ERG: variants seen among roughly 807,000 people sequenced by gnomAD.
ERG encodes the protein transcriptional regulator ERG.
In ERG, 9 loss-of-function variants were observed where a neutral mutation model predicts 55.3. The observed-to-expected ratio is 0.16, with a 90% CI of 0.10 to 0.28. The LOEUF (loss-of-function observed/expected upper bound fraction) is 0.28, where lower values mean the gene tolerates loss of function less well. ERG is among the 10% of genes least tolerant of loss of function. The pLI is 1.00. For missense variants in ERG, 434 were observed against 631.6 expected, an observed-to-expected ratio of 0.69 and a Z score of 3.35; for synonymous variants, 223 against 237.3, an observed-to-expected ratio of 0.94 and a Z score of 0.55.
chr21:38,551,762 C>CA (rs1568906256), intron 2 of ERG, among the ~76,000 whole-genome samples: 1 of 151,840 alleles, frequency 6.6e-6, no homozygotes, highest in Non-Finnish European at 1.5e-5. Context: ...TAGCCAAGTG[C>CA]GTAGTCAATT....
chr21:38,582,160 A>C (rs2060033731), intron 1 of ERG, among the ~76,000 whole-genome samples: 1 of 152,046 alleles, frequency 6.6e-6, no homozygotes, highest in South Asian at 2.1e-4. Flanking sequence ...ATAAACTGTA[A>C]TCATAAGAGC....
chr21:38,390,566 T>C (rs1446337142), intron 9 of ERG, among the ~76,000 whole-genome samples: 1 of 151,960 alleles, frequency 6.6e-6, no homozygotes, highest in Non-Finnish European at 1.5e-5. Flanking sequence ...CACAGAGAGA[T>C]GATGATGAGA....
chr21:38,404,721 A>C (rs913012115), intron 3 of ERG, among the ~76,000 whole-genome samples: 1 of 152,176 alleles, frequency 6.6e-6, no homozygotes. Flanking sequence ...AACTAAGAGC[A>C]CTGATCTCAG....
intron 2 of ERG, among the ~76,000 whole-genome samples, chr21:38,557,949 T>C (rs1217817880): frequency 6.6e-6 from 1 of 152,218 alleles, no homozygotes; most frequent in Non-Finnish European, 1.5e-5. Flanking sequence ...AAATTACTTA[T>C]GATTTGGAAC....
intron 2 of ERG, among the ~76,000 whole-genome samples, chr21:38,544,436 G>T (rs949650673): frequency 6.6e-6 from 1 of 152,174 alleles, no homozygotes; most frequent in African/African-American, 2.4e-5. Context: ...CAGGATCACG[G>T]TGACTTGGAC....
At chr21:38,624,361 G>T (rs375815787) in intron 1 of ERG, among the ~76,000 whole-genome samples, 176 of 152,326 alleles carry the variant, frequency 1.2e-3, no homozygotes, top group African/African-American at 3.8e-3. Flanking sequence ...TTAAAACCGA[G>T]ATGACGGGGT....
chr21:38,598,672 C>A (rs1337784155), intron 1 of ERG, among the ~76,000 whole-genome samples: 1 of 152,170 alleles, frequency 6.6e-6, no homozygotes, highest in Non-Finnish European at 1.5e-5. Flanking sequence ...CAAGTCCCTG[C>A]CCCTCTGCCT....
At position 38,383,943 on chromosome 21, in the gene ERG, A is replaced by G; in HGVS notation, c.920-20T>C. The stretch of plus-strand genomic sequence containing the variant: ...CACTGCCTAATGAGGTCAGGAGAGG[A>G]AGGAAAACTCCAGTGAGCACAGGTT... On this transcript the variant is annotated intron_variant, in intron 9 of 9. Transcript: ENST00000288319. This position sits in a 1 kb window ranked among gnomAD's most constrained non-coding sequence, Gnocchi z 5.7. 1 of 1,599,442 alleles carries G rather than the reference A, an allele frequency of 6.3e-7. No individual in the cohort carries two copies. Among genetic ancestry groups the G allele is most frequent in the Non-Finnish European group, 8.5e-7 (1 of 1,172,304 alleles).
At position 38,575,643 on chromosome 21, in the gene ERG, C is replaced by T. The variant is rs1198302920; in HGVS notation, c.-41+19G>A. On this transcript the variant is annotated intron_variant, in intron 2 of 8. Transcript: ENST00000398897. ...ACAGAGGAAGGCAGAGCTGGCTTCC[C>T]AGCCAAGACGGGACTTACCTTGATA... 6 of 1,601,038 alleles carry T rather than the reference C, an allele frequency of 3.7e-6. No individual in the cohort carries two copies. In the Admixed American group the frequency reaches 1.0e-4, roughly 27 times the overall value.
chr21:38,585,500 C>T (rs1052250548), upstream of ERG, among the ~76,000 whole-genome samples: 7 of 139,970 alleles, frequency 5.0e-5, no homozygotes, highest in African/African-American at 1.8e-4. Flanking sequence ...ATGCCTGTAG[C>T]ACGGCTCCAA....
chr21:38,382,989 C>T lies in ERG; in HGVS notation c.*414G>A. The T allele has an allele frequency of 5.6e-6, 6 of 1,071,808 alleles. 1 individual carries two copies. The highest frequency in any genetic ancestry group is 6.8e-6 in the Non-Finnish European group (6 of 883,896). The allele number at this position is 1,071,808 out of a possible 1,614,324, so 66.4% of individuals were successfully genotyped here. ...ATACAGGTAGTTTTCCTTAAAATGG[C>T]ATTATAAACGGTATGTTAGGTCAAA... On this transcript the variant is annotated 3_prime_UTR_variant, in exon 10 of 10. Transcript: ENST00000288319.
intron 1 of ERG, among the ~76,000 whole-genome samples, chr21:38,482,403 CAG>C (rs1191265096): frequency 1.3e-5 from 2 of 152,176 alleles, no homozygotes; most frequent in Non-Finnish European, 2.9e-5. Context: ...GGAATCCTTG[CAG>C]ACTGTTGGTG....
intron 1 of ERG, among the ~76,000 whole-genome samples, chr21:38,640,136 C>T (rs140930041): frequency 9.2e-5 from 14 of 152,028 alleles, no homozygotes; most frequent in Admixed American, 7.2e-4. Flanking sequence ...CATTGAAAAT[C>T]AATGAAAAAT....
Position 38,383,377 on chromosome 21 carries a change from T to C in ERG, c.*26A>G. 2.7e-6 allele frequency: 4 copies of C among 1,477,124 alleles called. No individual in the cohort carries two copies. Among genetic ancestry groups the C allele is most frequent in the African/African-American group, 2.8e-5 (2 of 71,362 alleles). 91.5% of individuals were successfully genotyped at this position (1,477,124 alleles called of 1,614,324 possible). A position where few individuals can be genotyped will look rare whatever the true frequency, so the allele number is the denominator to read the frequency against. On this transcript the variant is annotated 3_prime_UTR_variant, in exon 10 of 10. Transcript: ENST00000288319. This position sits in a 1 kb window ranked among gnomAD's most constrained non-coding sequence, Gnocchi z 5.7. ...TGGCGATGGGCTGGTGAATGCACGCTGATGGGAAAAGCCTCCGCCAGGTCT... is the reference window on the plus strand; with the variant it reads ...TGGCGATGGGCTGGTGAATGCACGCCGATGGGAAAAGCCTCCGCCAGGTCT...
Position 38,609,233 on chromosome 21 carries a change from A to G in ERG, c.-149-24288T>C, listed in dbSNP as rs562838351. On this transcript the variant is annotated intron_variant, in intron 1 of 10. Transcript: ENST00000398910. ...AGAAAATTTGCTGAATGCACCACTT[A>G]TACAAAGATCTGAAAACACAACAAT... Among the ~76,000 whole-genome samples the G allele has an allele frequency of 3.9e-5, 6 of 152,316 alleles. No individual in the cohort carries two copies. The East Asian group carries it at 1.2e-3, about 29-fold the overall frequency.
rs1987371357 is a variant in ERG, at chr21:38,380,409, CA to C, written c.*2993del. On this transcript the variant is annotated 3_prime_UTR_variant, in exon 10 of 10. Coordinates refer to ENST00000288319, the MANE Select transcript of ERG (RefSeq NM_182918.4). ...GGACATAAGGGCATCAAACTAGGAA[CA>C]AAAACACAGTCTTGACTGTGATTTG... 1 of 1,062,584 alleles carries C rather than the reference CA, an allele frequency of 9.4e-7. No homozygotes were observed. The highest frequency in any genetic ancestry group is 5.4e-5 in the Admixed American group (1 of 18,656). The allele number at this position is 1,062,584 out of a possible 1,614,324, so 65.8% of individuals were successfully genotyped here.
chr21:38,383,615 T>G lies in ERG; in HGVS notation c.1228A>C (p.Lys410Gln). The G allele has an allele frequency of 6.2e-7, 1 of 1,613,452 alleles. No individual in the cohort carries two copies. The highest frequency in any genetic ancestry group is 8.5e-7 in the Non-Finnish European group (1 of 1,179,838). Residue 410 changes from lysine (K) to glutamine (Q), a missense_variant, in exon 10 of 10, where the codon AAG becomes CAG. This residue lies in a region of ERG where 107 missense variants were observed against 126.8 expected (regional missense o/e 0.84). Transcript: ENST00000288319. This position sits in a 1 kb window ranked among gnomAD's most constrained non-coding sequence, Gnocchi z 5.7. ...ATGTACGGGAGGTCTGAGGGGTACT[T>G]GTACAGAGATGACTCCGGGGGGTGG... is the stretch of plus-strand genomic sequence containing the variant. Reference protein sequence around the residue: ...QPHPPESSLYKYPSDLPYMGS... With the variant: ...QPHPPESSLYQYPSDLPYMGS...
intron 1 of ERG, among the ~76,000 whole-genome samples, chr21:38,632,337 T>A (rs58020981): frequency 0.013 from 1,928 of 152,194 alleles, 42 homozygotes; most frequent in African/African-American, 0.044. Flanking sequence ...TCACACCCAT[T>A]AGGATGAACA....
At chr21:38,565,482 C>A (rs1268545418) in intron 2 of ERG, among the ~76,000 whole-genome samples, 1 of 152,202 alleles carries the variant, frequency 6.6e-6, no homozygotes, top group Non-Finnish European at 1.5e-5. Context: ...ACCAGCATGC[C>A]TCCAACTCAC....
Sources: gnomAD v4.1 joint callset for allele counts (sites outside exome capture counted in the v4.1 genomes callset) on GRCh38, gnomAD v4.1.1 for gene constraint, gnomAD v4.1.1 regional missense constraint, Gnocchi (gnomAD v3.1) non-coding constraint, MANE v1.5 for transcripts, NCBI Gene and HGNC (gene_info 2026-07-23, HGNC 2026-07-21) for gene names.